The following ZNF114 variants were observed in gnomAD, a reference collection of about 807,000 sequenced individuals.
The protein encoded by ZNF114 is zinc finger protein 114 (Y18).
ZNF114 carries 8 observed loss-of-function variants against 6.8 expected under a neutral mutation model. That is an observed-to-expected ratio of 1.18 (90% confidence interval 0.69 to 2.13). ZNF114 has a LOEUF of 2.13. Among genes scored for constraint, ZNF114 ranks in the 30% most tolerant of loss-of-function variants. ZNF114 has a pLI of 0.00. For missense variants in ZNF114, 472 were observed against 519.5 expected (o/e 0.91, Z 0.89); for synonymous variants, 169 against 185.5 (o/e 0.91, Z 0.72).
intron 4 of ZNF114, among the ~76,000 whole-genome samples, chr19:48,280,885 G>A (rs1021235038): frequency 9.2e-5 from 14 of 152,086 alleles, no homozygotes; most frequent in African/African-American, 2.9e-4. Context: ...CTCTGTGATA[G>A]TTTGTTATAA....
intron 3 of ZNF114, among the ~76,000 whole-genome samples, chr19:48,273,442 T>A (rs1242785279): frequency 6.6e-6 from 1 of 151,240 alleles, no homozygotes; most frequent in East Asian, 1.9e-4. Context: ...TTTTTTTTTT[T>A]AAACTACTGT....
chr19:48,285,391 A>C, intron 5 of ZNF114, among the ~76,000 whole-genome samples: 1 of 152,110 alleles, frequency 6.6e-6, no homozygotes, highest in South Asian at 2.1e-4. Context: ...TCAGCTACTC[A>C]GGAAGCTGAG....
chr19:48,277,436 A>G (rs11880433), intron 3 of ZNF114, among the ~76,000 whole-genome samples: 1 of 152,018 alleles, frequency 6.6e-6, no homozygotes, highest in African/African-American at 2.4e-5. Flanking sequence ...TTCTTATTGG[A>G]AAGGCAAAGT....
intron 3 of ZNF114, among the ~76,000 whole-genome samples, chr19:48,277,008 A>G (rs1967853592): frequency 6.6e-6 from 1 of 151,964 alleles, no homozygotes; most frequent in Admixed American, 6.6e-5. Flanking sequence ...AAATACAAAA[A>G]TTAGCTGGGC....
At chr19:48,285,040 G>GA (rs1466867927) in intron 5 of ZNF114, among the ~76,000 whole-genome samples, 14 of 152,160 alleles carry the variant, frequency 9.2e-5, no homozygotes, top group African/African-American at 3.4e-4. Context: ...GATCTCTGCA[G>GA]AACTGTTCCT....
intron 3 of ZNF114, among the ~76,000 whole-genome samples, chr19:48,276,111 C>A: frequency 8.1e-6 from 1 of 122,858 alleles, no homozygotes; most frequent in Non-Finnish European, 1.6e-5. Context: ...TGGAGTTTCG[C>A]TCTTGTTGCC....
At position 48,286,701 on chromosome 19, in the gene ZNF114, G is replaced by C. The variant is rs1321411272; in HGVS notation, c.1077G>C (p.Lys359Asn). ...TAAGAAAGCATGTTGTGCAGAAGAA[G>C]CCCTACGAATGTGAAGAATGTGGGA... is the stretch of plus-strand genomic sequence containing the variant. ...KHLRKHVVQK[K>N]PYECEECGKV... The change falls in exon 6 of 6, where the codon AAG (lysine) becomes AAC (asparagine). Residue 359 changes from lysine (K) to asparagine (N), a missense_variant. Lys to Asn is a moderately conservative substitution (Grantham distance 94). Coordinates refer to ENST00000595607, the MANE Select transcript of ZNF114 (RefSeq NM_153608.4). The C allele has an allele frequency of 6.2e-7, 1 of 1,613,212 alleles. No individual in the cohort carries two copies. Among genetic ancestry groups the C allele is most frequent in the African/African-American group, 1.3e-5 (1 of 74,826 alleles).
rs1195985906 is a variant in ZNF114 at position 48,285,821 on chromosome 19, G to A, written c.197G>A (p.Arg66Lys). 1 of 1,613,998 alleles carries A rather than the reference G, an allele frequency of 6.2e-7. No homozygotes were observed. The highest frequency in any genetic ancestry group is 8.5e-7 in the Non-Finnish European group (1 of 1,179,986). ...ATPQPDILPK[R>K]TFPEANRVCL... Reference sequence around the variant, plus strand: ...CCTCAGCCGGATATTCTTCCTAAAAGAACATTTCCTGAAGCCAACAGAGTG... The same window carrying A: ...CCTCAGCCGGATATTCTTCCTAAAAAAACATTTCCTGAAGCCAACAGAGTG... Residue 66 changes from arginine (R) to lysine (K), a missense_variant, in exon 6 of 6, where the codon AGA (arginine) becomes AAA (lysine). By Grantham distance (26) the Arg-to-Lys change is conservative. Coordinates refer to ENST00000595607, the MANE Select transcript of ZNF114 (RefSeq NM_153608.4).
chr19:48,274,255 C>T (rs1967761617), intron 3 of ZNF114, among the ~76,000 whole-genome samples: 3 of 151,408 alleles, frequency 2.0e-5, no homozygotes. Context: ...CTGACAGTGT[C>T]ATGTAAACGT....
In ZNF114 at chr19:48,273,059, G is replaced by T. The variant is rs552710482; in HGVS notation, c.-70+1231G>T. Among the ~76,000 whole-genome samples the T allele has an allele frequency of 1.9e-4, 29 of 152,214 alleles. 1 individual carries two copies. In the East Asian group the frequency reaches 5.4e-3, roughly 28 times the overall value. ...ATCTGCCCGCCTCGGCCTCCCAAAG[G>T]GCTGGGATTACAGGCGTGAGCCACA... is the stretch of plus-strand genomic sequence containing the variant. On this transcript the variant is annotated intron_variant, in intron 3 of 5. Transcript: ENST00000595607.
At chr19:48,278,529 G>A (rs35422739) in intron 3 of ZNF114, among the ~76,000 whole-genome samples, 5,136 of 152,294 alleles carry the variant, frequency 0.034, 169 homozygotes, top group Middle Eastern at 0.14. Flanking sequence ...GTTGTAGTGT[G>A]TGTCAGTGCC....
At chr19:48,272,673 CAAAAA>C (rs57823987) in intron 3 of ZNF114, among the ~76,000 whole-genome samples, 508 of 39,208 alleles carry the variant, frequency 0.013, 7 homozygotes, top group African/African-American at 0.043. Flanking sequence ...GACTCTCTCT[CAAAAA>C]AAAAAAAAAA....
Position 48,285,801 on chromosome 19 carries a change from G to A in ZNF114, c.177G>A (p.Gln59=), listed in dbSNP as rs1348265958. 1 of 1,613,466 alleles carries A rather than the reference G, an allele frequency of 6.2e-7. No individual in the cohort carries two copies. Among genetic ancestry groups the A allele is most frequent in the Non-Finnish European group, 8.5e-7 (1 of 1,179,852 alleles). Reference sequence around the variant, plus strand: ...GTAAAACCAAAGACGCAACCCCTCAGCCGGATATTCTTCCTAAAAGAACAT... The same window carrying A: ...GTAAAACCAAAGACGCAACCCCTCAACCGGATATTCTTCCTAAAAGAACAT... ...TPCKTKDATP[Q]PDILPKRTFP... is the part of the protein sequence containing the mutation. The change falls in exon 6 of 6, where the codon CAG becomes CAA. Residue 59 remains glutamine, a synonymous_variant. Transcript: ENST00000595607.
At position 48,286,093 on chromosome 19, in the gene ZNF114, A is replaced by G. The variant is rs1242736273; in HGVS notation, c.469A>G (p.Ile157Val). The change falls in exon 6 of 6, where the codon ATT becomes GTT. Residue 157 changes from isoleucine (I) to valine (V), a missense_variant. By Grantham distance (29) the Ile-to-Val change is conservative (BLOSUM62 3). Coordinates refer to ENST00000595607, the MANE Select transcript of ZNF114 (RefSeq NM_153608.4). The part of the protein sequence containing the change: ...RQCILTRDSS[I>V]FKYNPVLNDS... ...ATGTATCCTAACACGTGACTCAAGT[A>G]TTTTCAAGTATAATCCTGTCTTAAA... 6.2e-7 allele frequency: 1 copy of G among 1,614,124 alleles called. No homozygotes were observed. The highest frequency in any genetic ancestry group is 1.1e-5 in the South Asian group (1 of 91,086).
intron 3 of ZNF114, among the ~76,000 whole-genome samples, chr19:48,274,878 C>CTT (rs1967783755): frequency 6.6e-6 from 1 of 152,128 alleles, no homozygotes; most frequent in Non-Finnish European, 1.5e-5. Context: ...CACCCTCGAA[C>CTT]TTGCCTCCCT....
chr19:48,277,131 G>A (rs1174185184), intron 3 of ZNF114, among the ~76,000 whole-genome samples: 6 of 151,316 alleles, frequency 4.0e-5, no homozygotes, highest in African/African-American at 9.7e-5. Context: ...ACTGCACTCC[G>A]GCCTGGGCGA....
Position 48,286,584 on chromosome 19 carries a change from G to A in ZNF114, c.960G>A (p.Met320Ile). 6.2e-7 allele frequency: 1 copy of A among 1,614,054 alleles called. No individual in the cohort carries two copies. The highest frequency in any genetic ancestry group is 1.3e-5 in the African/African-American group (1 of 75,018). Residue 320 changes from methionine (M) to isoleucine (I), a missense_variant, in exon 6 of 6, where the codon ATG becomes ATA. Met to Ile is a conservative substitution (Grantham distance 10, BLOSUM62 1). Coordinates refer to ENST00000595607, the MANE Select transcript of ZNF114 (RefSeq NM_153608.4). The part of the protein sequence containing the change: ...GRAFFYQSFL[M>I]RHMKIHTGEK... ...CCTTTTTTTATCAGTCATTCCTTAT[G>A]AGACATATGAAAATTCACACTGGAG...
intron 3 of ZNF114, among the ~76,000 whole-genome samples, chr19:48,274,837 C>T (rs1967782248): frequency 6.6e-6 from 1 of 151,890 alleles, no homozygotes; most frequent in East Asian, 1.9e-4. Context: ...AGGATGCAAA[C>T]ACATTGTGTG....
chr19:48,277,638 G>A (rs991932858), intron 3 of ZNF114, among the ~76,000 whole-genome samples: 2 of 152,110 alleles, frequency 1.3e-5, no homozygotes, highest in African/African-American at 2.4e-5. Context: ...TCCTCCTAAC[G>A]CGGTCTAGGG....
Sources: allele counts gnomAD v4.1 joint callset (sites outside exome capture counted in the v4.1 genomes callset), GRCh38; gene constraint gnomAD v4.1.1; transcripts MANE v1.5; gene names NCBI Gene and HGNC (gene_info 2026-07-23, HGNC 2026-07-21).